MYOM2: variants seen among roughly 807,000 people sequenced by gnomAD.
MYOM2 encodes the protein myomesin 2, also known as myomesin-2.
MYOM2 carries 254 observed loss-of-function variants against 187.6 expected under a neutral mutation model. The ratio of observed to expected loss-of-function variants is 1.35; its 90% confidence interval spans 1.22 to 1.50. The LOEUF is 1.50. MYOM2 is among the 40% of genes most tolerant of loss of function. The pLI is 0.00. For missense variants in MYOM2, 2,796 were observed against 1,924.0 expected, an observed-to-expected ratio of 1.45 and a Z score of -8.48; for synonymous variants, 981 against 753.8, an observed-to-expected ratio of 1.30 and a Z score of -4.94.
intron 6 of MYOM2, among the ~76,000 whole-genome samples, chr8:2,064,295 C>T (rs557148495): frequency 6.6e-6 from 1 of 152,302 alleles, no homozygotes; most frequent in Non-Finnish European, 1.5e-5. Flanking sequence ...GACCTGTGTT[C>T]CAACACACTT....
intron 15 of MYOM2, among the ~76,000 whole-genome samples, chr8:2,091,343 C>T (rs76006094): frequency 0.011 from 1,725 of 152,266 alleles, 38 homozygotes; most frequent in African/African-American, 0.04. Flanking sequence ...GGTGCCCAGC[C>T]AGGCACTAGA....
chr8:2,123,306 T>A lies in MYOM2; in HGVS notation c.3508T>A (p.Tyr1170Asn), dbSNP rs772384034. Residue 1170 changes from tyrosine to asparagine, a missense_variant, in exon 29 of 37, where the codon TAT (tyrosine) becomes AAT (asparagine). Tyr to Asn is a moderately radical substitution (Grantham distance 143, BLOSUM62 -2). Transcript: ENST00000262113. ...VFKWLKDDVL[Y>N]ETETLPNLER... The stretch of plus-strand genomic sequence containing the variant: ...CAAATGGCTCAAGGATGATGTTCTG[T>A]ATGAAACGGAGACACTGCCTAACCT... 3 of 1,614,110 alleles carry A rather than the reference T, an allele frequency of 1.9e-6. No homozygotes were observed. In the East Asian group the frequency reaches 6.7e-5, roughly 36 times the overall value.
At position 2,049,634 on chromosome 8, in the gene MYOM2, A is replaced by G. The variant is rs928183389; in HGVS notation, c.-12-1121A>G. On this transcript the variant is annotated intron_variant, in intron 1 of 36. Transcript: ENST00000262113. ...GGCCTAGGAGTTCTGTCTTTAAATA[A>G]GGACAGATCCTCGTCATTTAAACAG... Among the ~76,000 whole-genome samples, 3 of 152,228 alleles carry G rather than the reference A, an allele frequency of 2.0e-5. No individual in the cohort carries two copies. In the South Asian group the frequency reaches 6.2e-4, roughly 32 times the overall value.
At position 2,090,149 on chromosome 8, in the gene MYOM2, C is replaced by A. The variant is rs191810510; in HGVS notation, c.1786C>A (p.Pro596Thr). ...AGCAAACCGGCATGGCCTGAGCGAA[C>A]CTTCGGAGATAACGTCCCCCATTCA... ...LSANRHGLSE[P>T]SEITSPIQAQ... is the part of the protein sequence containing the mutation. Residue 596 changes from proline (P) to threonine (T), a missense_variant, in exon 15 of 37, where the codon CCT becomes ACT. Pro to Thr is a conservative substitution (Grantham distance 38). Transcript: ENST00000262113. 2.8e-4 allele frequency: 446 copies of A among 1,614,018 alleles called. No individual in the cohort carries two copies. The Admixed American group carries it at 5.0e-3, about 18-fold the overall frequency.
intron 3 of MYOM2, among the ~76,000 whole-genome samples, chr8:2,055,048 G>A (rs1335305983): frequency 2.8e-5 from 3 of 108,144 alleles, no homozygotes; most frequent in African/African-American, 9.0e-5. Context: ...CCAAGTACCT[G>A]GATACTGGGG....
At chr8:2,069,411 TC>T in intron 7 of MYOM2, 35 bp from the exon 8 acceptor site, 1 of 1,613,940 alleles carries the variant, frequency 6.2e-7, no homozygotes, top group Non-Finnish European at 8.5e-7. Flanking sequence ...CGCCTCCTTT[TC>T]TCTTTTCTGC....
intron 32 of MYOM2, among the ~76,000 whole-genome samples, chr8:2,137,325 A>AAC (rs1798114591): frequency 6.6e-6 from 1 of 151,956 alleles, no homozygotes; most frequent in African/African-American, 2.4e-5. Context: ...CGACAGCACG[A>AAC]ACAGAGCATT....
rs1401986943 is a variant in MYOM2 at position 2,098,940 on chromosome 8, C to T, written c.2397C>T (p.Pro799=). 2 of 1,613,610 alleles carry T rather than the reference C, an allele frequency of 1.2e-6. No homozygotes were observed. The highest frequency in any genetic ancestry group is 1.7e-6 in the Non-Finnish European group (2 of 1,179,858). ...NLAGIGEPSD[P]SEHFKCEAWT... ...CCGGCATCGGGGAGCCCTCAGATCC[C>T]AGTGAGCACTTCAAGTGTGAGGCCT... Residue 799 remains proline, a synonymous_variant, in exon 19 of 37, where the codon CCC becomes CCT. Coordinates refer to ENST00000262113, the MANE Select transcript of MYOM2 (RefSeq NM_003970.4).
In MYOM2 at chr8:2,145,306, A is replaced by C. The variant is rs996283496; in HGVS notation, c.*325A>C. ...GGTGTGGCACCTGGACGTGTGCAGC[A>C]TGTGGCGGTCTGTGTGAAGCCACCG... is the stretch of plus-strand genomic sequence containing the variant. On this transcript the variant is annotated 3_prime_UTR_variant, in exon 37 of 37. Coordinates refer to ENST00000262113, the MANE Select transcript of MYOM2 (RefSeq NM_003970.4). The C allele has an allele frequency of 4.4e-6, 2 of 453,876 alleles. No homozygotes were observed. Among genetic ancestry groups the C allele is most frequent in the Admixed American group, 4.3e-5 (1 of 23,484 alleles). The allele number at this position is 453,876 out of a possible 1,614,324, so 28.1% of individuals were successfully genotyped here.
intron 20 of MYOM2, chr8:2,102,160 A>C (rs901210088): frequency 6.6e-6 from 1 of 152,562 alleles, no homozygotes; most frequent in African/African-American, 2.4e-5. Flanking sequence ...GTGTCTTTAG[A>C]ATGAATGAGT....
At chr8:2,142,055 C>G (rs1218783766) in intron 34 of MYOM2, among the ~76,000 whole-genome samples, 3 of 145,528 alleles carry the variant, frequency 2.1e-5, no homozygotes, top group South Asian at 2.2e-4. Context: ...TCTCAAGTCT[C>G]CAGTGCAATC....
intron 10 of MYOM2, among the ~76,000 whole-genome samples, chr8:2,074,745 C>T (rs991458127): frequency 4.6e-5 from 7 of 152,220 alleles, no homozygotes; most frequent in Non-Finnish European, 8.8e-5. Context: ...GTGTGAGCCA[C>T]CGCGCCCGGC....
Position 2,071,404 on chromosome 8 carries a change from C to A in MYOM2, c.794-941C>A, listed in dbSNP as rs562432228. 3.9e-5 allele frequency among the ~76,000 whole-genome samples: 6 copies of A among 152,220 alleles called. No homozygotes were observed. In the South Asian group the frequency reaches 1.0e-3, roughly 26 times the overall value. Reference sequence around the variant, plus strand: ...TTTTTCCTGACATGTATGTACTTCTCCCCCTACCACACATATTTTTGAAAT... The same window carrying A: ...TTTTTCCTGACATGTATGTACTTCTACCCCTACCACACATATTTTTGAAAT... On this transcript the variant is annotated intron_variant, in intron 8 of 36. Transcript: ENST00000262113.
chr8:2,056,480 G>C (rs1411508792), intron 3 of MYOM2, among the ~76,000 whole-genome samples: 2 of 150,222 alleles, frequency 1.3e-5, no homozygotes, highest in Non-Finnish European at 2.9e-5. Context: ...CGATTTGTGG[G>C]GTTCACAAAA....
Position 2,102,830 on chromosome 8 carries a change from G to T in MYOM2, c.2734+49G>T, listed in dbSNP as rs992340419. On this transcript the variant is annotated intron_variant, in intron 21 of 36. Coordinates refer to ENST00000262113, the MANE Select transcript of MYOM2 (RefSeq NM_003970.4). Reference sequence around the variant, plus strand: ...AAAACAGCAATGATTTGTGGGGAGAGTGTGCATGTATTATGGATGTATGGA... The same window carrying T: ...AAAACAGCAATGATTTGTGGGGAGATTGTGCATGTATTATGGATGTATGGA... The T allele has an allele frequency of 2.1e-6, 3 of 1,452,344 alleles. No homozygotes were observed. In the African/African-American group the frequency reaches 4.2e-5, roughly 20 times the overall value. The allele number at this position is 1,452,344 out of a possible 1,614,324, so 90.0% of individuals were successfully genotyped here. A position where few individuals can be genotyped will look rare whatever the true frequency, so the allele number is the denominator to read the frequency against.
intron 19 of MYOM2, among the ~76,000 whole-genome samples, chr8:2,099,281 C>T (rs187276183): frequency 1.3e-5 from 2 of 152,334 alleles, no homozygotes; most frequent in East Asian, 3.9e-4. Context: ...GACAGCTTCC[C>T]ATGCATCCCC....
chr8:2,109,505 A>G lies in MYOM2; in HGVS notation c.3154A>G (p.Asn1052Asp). ...AGATGCCAGCTACCGATTTATTATT[A>G]ACGACAGAGAAGTCTCTGACAGCGA... ...SPDASYRFIINDREVSDSEIH... is the reference protein window; with the variant it reads ...SPDASYRFIIDDREVSDSEIH... Residue 1052 changes from asparagine (N) to aspartate (D), a missense_variant, in exon 25 of 37, where the codon AAC becomes GAC. Coordinates refer to ENST00000262113, the MANE Select transcript of MYOM2 (RefSeq NM_003970.4). 6.2e-7 allele frequency: 1 copy of G among 1,612,840 alleles called. No homozygotes were observed. Among genetic ancestry groups the G allele is most frequent in the Non-Finnish European group, 8.5e-7 (1 of 1,179,462 alleles).
intron 31 of MYOM2, among the ~76,000 whole-genome samples, chr8:2,128,354 C>G (rs904559322): frequency 2.0e-5 from 3 of 152,188 alleles, no homozygotes; most frequent in African/African-American, 7.2e-5. Flanking sequence ...TTACACTATC[C>G]TCCACAACAG....
rs530793018 is a variant in MYOM2 at position 2,129,228 on chromosome 8, C to T, written c.3796C>T (p.His1266Tyr). Residue 1266 changes from histidine to tyrosine, a missense_variant, in exon 32 of 37, where the codon CAC becomes TAC. Transcript: ENST00000262113. The stretch of plus-strand genomic sequence containing the variant: ...AGACGAAATGAAAGTGAACTGGTGT[C>T]ACAAGTAAGTATGACAGCAGCCGAT... ...FTDEMKVNWCHKDAKISSSEH... is the reference protein window; with the variant it reads ...FTDEMKVNWCYKDAKISSSEH... 12 of 1,606,460 alleles carry T rather than the reference C, an allele frequency of 7.5e-6. No homozygotes were observed. The African/African-American group carries it at 1.5e-4, about 20-fold the overall frequency.
Sources: gnomAD v4.1 joint callset for allele counts (sites outside exome capture counted in the v4.1 genomes callset) on GRCh38, gnomAD v4.1.1 for gene constraint, MANE v1.5 for transcripts, NCBI Gene and HGNC (gene_info 2026-07-23, HGNC 2026-07-21) for gene names.